TDRD15: variants seen among roughly 807,000 people sequenced by gnomAD.
The protein encoded by TDRD15 is tudor domain-containing protein 15.
For synonymous variants in TDRD15, 503 were observed against 314.5 expected, an observed-to-expected ratio of 1.60 and a Z score of -6.34; for missense variants, 1,416 against 904.7, an observed-to-expected ratio of 1.57 and a Z score of -7.25.
Position 21,142,511 on chromosome 2 carries a change from G to T in TDRD15, c.5044G>T (p.Asp1682Tyr). The T allele has an allele frequency of 1.4e-6, 1 of 697,118 alleles. No individual in the cohort carries two copies. The highest frequency in any genetic ancestry group is 1.6e-5 in the South Asian group (1 of 63,600). 43.2% of individuals were successfully genotyped at this position (697,118 alleles called of 1,614,324 possible). A position where few individuals can be genotyped will look rare whatever the true frequency, so the allele number is the denominator to read the frequency against. ...TTGGGAAGTAGAAATTTTGGTAGAT[G>T]ACCTGTTACTTTTGGAATACTTAAA... ...AVWEVEILVD[D>Y]LLLLEYLNLN... The change falls in exon 4 of 4, where the codon GAC becomes TAC. Residue 1682 changes from aspartate to tyrosine, a missense_variant. Physicochemically the swap from Asp to Tyr is radical, Grantham distance 160. Transcript: ENST00000405799.
intron 2 of TDRD15, among the ~76,000 whole-genome samples, chr2:21,131,177 G>C (rs1665711713): frequency 6.6e-6 from 1 of 152,158 alleles, no homozygotes; most frequent in South Asian, 2.1e-4. Context: ...CTGCCATTTT[G>C]AGTTTGATGG....
rs1665975925 is a variant in TDRD15 at position 21,143,299 on chromosome 2, T to C, written c.*27T>C. 3.8e-6 allele frequency: 2 copies of C among 528,126 alleles called. No homozygotes were observed. The highest frequency in any genetic ancestry group is 6.8e-6 in the Non-Finnish European group (2 of 293,554). The allele number at this position is 528,126 out of a possible 1,614,324, so 32.7% of individuals were successfully genotyped here. On this transcript the variant is annotated 3_prime_UTR_variant, in exon 4 of 4. Coordinates refer to ENST00000405799, the MANE Select transcript of TDRD15 (RefSeq NM_001306137.2). ...TTACAAAGTAAGCCTATTTTCCCAT[T>C]GTTAGATCAAAATTGTTACAAAAAA...
At chr2:21,144,589 A>G (rs556325160), downstream of TDRD15, among the ~76,000 whole-genome samples, 3 of 151,848 alleles carry the variant, frequency 2.0e-5, no homozygotes, top group Non-Finnish European at 4.4e-5. Context: ...AACAGCTACC[A>G]TATTTTGAGT....
chr2:21,147,241 A>G (rs531230662), downstream of TDRD15, among the ~76,000 whole-genome samples: 6 of 152,050 alleles, frequency 3.9e-5, no homozygotes, highest in South Asian at 2.1e-4. Context: ...TGTATTTAGT[A>G]TTAGTATAAT....
Position 21,142,690 on chromosome 2 carries a change from T to C in TDRD15, c.5223T>C (p.Ala1741=). ...GGCAGTATTCTGGTATTGCAACTGCTGTTTCTGATCCATCAGACTTCAGTA... is the reference window on the plus strand; with the variant it reads ...GGCAGTATTCTGGTATTGCAACTGCCGTTTCTGATCCATCAGACTTCAGTA... ...NDRQYSGIAT[A]VSDPSDFSIQ... is the part of the protein sequence containing the mutation. The change falls in exon 4 of 4, where the codon GCT becomes GCC. Residue 1741 remains alanine (A), a synonymous_variant. Coordinates refer to ENST00000405799, the MANE Select transcript of TDRD15 (RefSeq NM_001306137.2). The C allele has an allele frequency of 1.4e-6, 1 of 710,168 alleles. No individual in the cohort carries two copies. Among genetic ancestry groups the C allele is most frequent in the Non-Finnish European group, 2.6e-6 (1 of 382,242 alleles). The allele number at this position is 710,168 out of a possible 1,614,324, so 44.0% of individuals were successfully genotyped here. A position where few individuals can be genotyped will look rare whatever the true frequency, so the allele number is the denominator to read the frequency against.
In TDRD15 at chr2:21,141,850, T is replaced by C. The variant is rs1177095595; in HGVS notation, c.4383T>C (p.Cys1461=). The stretch of plus-strand genomic sequence containing the variant: ...TAAATATGATTTGTGATGAAAAATG[T>C]GTCATTAATGAACTACTGAAATGGA... The part of the protein sequence containing the change: ...WEVNMICDEK[C]VINELLKWKA... The change falls in exon 4 of 4, where the codon TGT becomes TGC. Residue 1461 remains cysteine, a synonymous_variant. Transcript: ENST00000405799. 1.4e-6 allele frequency: 1 copy of C among 715,174 alleles called. No individual in the cohort carries two copies. Among genetic ancestry groups the C allele is most frequent in the South Asian group, 1.5e-5 (1 of 67,418 alleles). 44.3% of individuals were successfully genotyped at this position (715,174 alleles called of 1,614,324 possible). A position where few individuals can be genotyped will look rare whatever the true frequency, so the allele number is the denominator to read the frequency against.
At position 21,142,527 on chromosome 2, in the gene TDRD15, A is replaced by G; in HGVS notation, c.5060A>G (p.Glu1687Gly). Residue 1687 changes from glutamate to glycine, a missense_variant, in exon 4 of 4, where the codon GAA becomes GGA. Transcript: ENST00000405799. ...EILVDDLLLL[E>G]YLNLNTVPVE... ...TTGGTAGATGACCTGTTACTTTTGG[A>G]ATACTTAAATTTGAATACAGTTCCT... is the stretch of plus-strand genomic sequence containing the variant. 1 of 698,784 alleles carries G rather than the reference A, an allele frequency of 1.4e-6. No individual in the cohort carries two copies. Among genetic ancestry groups the G allele is most frequent in the South Asian group, 1.6e-5 (1 of 63,950 alleles). 43.3% of individuals were successfully genotyped at this position (698,784 alleles called of 1,614,324 possible).
Position 21,141,566 on chromosome 2 carries a change from A to G in TDRD15, c.4099A>G (p.Ile1367Val), listed in dbSNP as rs1049757857. Residue 1367 changes from isoleucine (I) to valine (V), a missense_variant, in exon 4 of 4, where the codon ATT (isoleucine) becomes GTT (valine). Ile to Val is a conservative substitution (Grantham distance 29). Transcript: ENST00000405799. ...CATTTACAGGGCAGTTATTAAGAAA[A>G]TTTTGCCAGGAAATTCTTTTGAAGT... ...NAIYRAVIKK[I>V]LPGNSFEVEF... The G allele has an allele frequency of 1.4e-5, 10 of 714,290 alleles. No individual in the cohort carries two copies. The African/African-American group carries it at 1.6e-4, about 11-fold the overall frequency. 44.2% of individuals were successfully genotyped at this position (714,290 alleles called of 1,614,324 possible).
Position 21,140,298 on chromosome 2 carries a change from C to T in TDRD15, c.2831C>T (p.Thr944Ile). ...GCTCAGTATATCACATTATCAGAGA[C>T]ATTCCCATCTTTATTTAGTCTTTAC... ...GSAQYITLSE[T>I]FPSLFSLYSY... Residue 944 changes from threonine to isoleucine, a missense_variant, in exon 4 of 4, where the codon ACA becomes ATA. Physicochemically the swap from Thr to Ile is moderately conservative, Grantham distance 89. Coordinates refer to ENST00000405799, the MANE Select transcript of TDRD15 (RefSeq NM_001306137.2). 1.4e-6 allele frequency: 1 copy of T among 714,740 alleles called. No homozygotes were observed. Among genetic ancestry groups the T allele is most frequent in the Non-Finnish European group, 2.6e-6 (1 of 383,594 alleles). The allele number at this position is 714,740 out of a possible 1,614,324, so 44.3% of individuals were successfully genotyped here.
chr2:21,129,997 CTCT>C (rs746941980), intron 2 of TDRD15, among the ~76,000 whole-genome samples: 2 of 152,096 alleles, frequency 1.3e-5, no homozygotes, highest in Non-Finnish European at 2.9e-5. Flanking sequence ...CAAGTCCTTC[CTCT>C]TCTTATAAAA....
In TDRD15 at chr2:21,141,494, C is replaced by G. The variant is rs1256563217; in HGVS notation, c.4027C>G (p.Pro1343Ala). The change falls in exon 4 of 4, where the codon CCT (proline) becomes GCT (alanine). Residue 1343 changes from proline to alanine, a missense_variant. By Grantham distance (27) the Pro-to-Ala change is conservative (BLOSUM62 -1). Coordinates refer to ENST00000405799, the MANE Select transcript of TDRD15 (RefSeq NM_001306137.2). The part of the protein sequence containing the change: ...RRLRERKSVK[P>A]LVGDLVVAEY... ...ATTGAGAGAGAGAAAATCAGTTAAA[C>G]CTCTAGTGGGAGATCTTGTAGTTGC... is the stretch of plus-strand genomic sequence containing the variant. 1.4e-6 allele frequency: 1 copy of G among 714,966 alleles called. No homozygotes were observed. Among genetic ancestry groups the G allele is most frequent in the African/African-American group, 1.8e-5 (1 of 57,102 alleles). The allele number at this position is 714,966 out of a possible 1,614,324, so 44.3% of individuals were successfully genotyped here.
Position 21,141,041 on chromosome 2 carries a change from G to T in TDRD15, c.3574G>T (p.Glu1192Ter), listed in dbSNP as rs533083728. The T allele has an allele frequency of 1.4e-6, 1 of 706,612 alleles. No homozygotes were observed. Among genetic ancestry groups the T allele is most frequent in the Non-Finnish European group, 2.6e-6 (1 of 381,780 alleles). 43.8% of individuals were successfully genotyped at this position (706,612 alleles called of 1,614,324 possible). The change falls in exon 4 of 4, where the codon GAA (glutamate) becomes TAA (stop). Residue 1192 changes from glutamate (E) to a stop codon, truncating the protein, a stop_gained. Transcript: ENST00000405799. LOFTEE classifies it low-confidence loss of function (END_TRUNC). ...TAAACCTAGTCCAGTAACATATTCC[G>T]AAAGAAAAATAGACCAATTGATGCA... ...INKPSPVTYS[E>*]RKIDQLMHPK...
rs888305651 is a variant in TDRD15, at chr2:21,143,298, T to C, written c.*26T>C. 1 of 528,406 alleles carries C rather than the reference T, an allele frequency of 1.9e-6. No homozygotes were observed. Among genetic ancestry groups the C allele is most frequent in the African/African-American group, 2.0e-5 (1 of 50,710 alleles). 32.7% of individuals were successfully genotyped at this position (528,406 alleles called of 1,614,324 possible). ...ATTACAAAGTAAGCCTATTTTCCCA[T>C]TGTTAGATCAAAATTGTTACAAAAA... On this transcript the variant is annotated 3_prime_UTR_variant, in exon 4 of 4. Transcript: ENST00000405799.
In TDRD15 at chr2:21,126,097, A is replaced by C. The variant is rs35797718; in HGVS notation, c.-200-1504A>C. ...CAAACTACACATATTTGAAGTGTAC[A>C]ATTTGACATTTGACACATGTATACT... On this transcript the variant is annotated intron_variant, in intron 1 of 3. Transcript: ENST00000405799. Among the ~76,000 whole-genome samples the C allele has an allele frequency of 2.6e-3, 397 of 152,252 alleles. 1 individual carries two copies. The highest frequency in any genetic ancestry group is 4.5e-3 in the Non-Finnish European group (305 of 68,026).
chr2:21,146,924 T>C (rs749987418), downstream of TDRD15, among the ~76,000 whole-genome samples: 11 of 152,194 alleles, frequency 7.2e-5, no homozygotes, highest in East Asian at 3.9e-4. Context: ...GAATATTTGC[T>C]TTGTCCCTTA....
rs1037530169 is a variant in TDRD15, at chr2:21,140,877, T to C, written c.3410T>C (p.Val1137Ala). ...GSQYINEKIK[V>A]LLHAYGKRHC... ...CAATATATAAATGAGAAAATTAAAG[T>C]GTTGCTTCATGCTTATGGAAAAAGA... Residue 1137 changes from valine to alanine, a missense_variant, in exon 4 of 4, where the codon GTG (valine) becomes GCG (alanine). Physicochemically the swap from Val to Ala is moderately conservative, Grantham distance 64. Transcript: ENST00000405799. The C allele has an allele frequency of 3.7e-5, 26 of 710,142 alleles. No individual in the cohort carries two copies. The highest frequency in any genetic ancestry group is 3.5e-4 in the African/African-American group (20 of 56,652). 44.0% of individuals were successfully genotyped at this position (710,142 alleles called of 1,614,324 possible).
chr2:21,141,447 C>T lies in TDRD15; in HGVS notation c.3980C>T (p.Ala1327Val), dbSNP rs749729201. 9 of 712,452 alleles carry T rather than the reference C, an allele frequency of 1.3e-5. No homozygotes were observed. The Admixed American group carries it at 1.6e-4, about 13-fold the overall frequency. The allele number at this position is 712,452 out of a possible 1,614,324, so 44.1% of individuals were successfully genotyped here. The change falls in exon 4 of 4, where the codon GCT becomes GTT. Residue 1327 changes from alanine (A) to valine (V), a missense_variant. Coordinates refer to ENST00000405799, the MANE Select transcript of TDRD15 (RefSeq NM_001306137.2). Reference protein sequence around the residue: ...NESVIIRLADALNATARRLRE... With the variant: ...NESVIIRLADVLNATARRLRE... ...AGTGTAATTATCAGACTTGCTGATG[C>T]TCTAAATGCAACAGCAAGGAGATTG...
Position 21,136,550 on chromosome 2 carries a change from A to G in TDRD15, c.-3-915A>G, listed in dbSNP as rs1307445941. On this transcript the variant is annotated intron_variant, in intron 3 of 3. Coordinates refer to ENST00000405799, the MANE Select transcript of TDRD15 (RefSeq NM_001306137.2). ...GTTCCCTCATTTTGAGGGGGAAGGCATCCAATGTTTTTCTCTTACTCATCC... is the reference window on the plus strand; with the variant it reads ...GTTCCCTCATTTTGAGGGGGAAGGCGTCCAATGTTTTTCTCTTACTCATCC... 3.9e-5 allele frequency among the ~76,000 whole-genome samples: 6 copies of G among 152,090 alleles called. No individual in the cohort carries two copies. In the South Asian group the frequency reaches 6.2e-4, roughly 16 times the overall value.
At chr2:21,135,900 A>G (rs904998692) in intron 3 of TDRD15, among the ~76,000 whole-genome samples, 3 of 151,994 alleles carry the variant, frequency 2.0e-5, no homozygotes, top group Admixed American at 6.6e-5. Context: ...TGAGTAACCT[A>G]TTTAAAAAGT....
Sources: gnomAD v4.1 joint callset for allele counts (sites outside exome capture counted in the v4.1 genomes callset) on GRCh38, gnomAD v4.1.1 for gene constraint, MANE v1.5 for transcripts, NCBI Gene and HGNC (gene_info 2026-07-23, HGNC 2026-07-21) for gene names.